Variants in PLCH2 observed in about 807,000 individuals in gnomAD.
The protein encoded by PLCH2 is phospholipase C eta 2.
Under a neutral mutation model 134.7 loss-of-function variants are expected in PLCH2, and 98 were observed. That is an observed-to-expected ratio of 0.73 (90% CI 0.62 to 0.86). PLCH2 has a LOEUF of 0.86. PLCH2 is among the 40% of genes least tolerant of loss of function. The pLI, the probability that PLCH2 is intolerant of heterozygous loss-of-function variation, is 0.00. For missense variants in PLCH2, 1,994 were observed against 1,986.6 expected, an observed-to-expected ratio of 1.00 and a Z score of -0.07; for synonymous variants, 974 against 827.5, an observed-to-expected ratio of 1.18 and a Z score of -3.04.
intron 5 of PLCH2, among the ~76,000 whole-genome samples, chr1:2,485,224 G>GCTCTCTGGACA (rs1642225874): frequency 1.2e-4 from 1 of 8,436 alleles, no homozygotes; most frequent in South Asian, 2.8e-3. Context: ...AAGGCCAAGT[G>GCTCTCTGGACA]CTGCCCCACT....
chr1:2,503,209 T>C (rs1643336658), intron 21 of PLCH2: 3 of 576,896 alleles, frequency 5.2e-6, no homozygotes, highest in Admixed American at 5.7e-5. Context: ...TGGCCTGACA[T>C]GCTGGGCCCC....
At chr1:2,445,233 T>C (rs1483391320) in intron 2 of PLCH2, among the ~76,000 whole-genome samples, 1 of 151,368 alleles carries the variant, frequency 6.6e-6, no homozygotes, top group East Asian at 2.0e-4. Flanking sequence ...GTGCTGAGGG[T>C]CCCCACAGGC....
chr1:2,482,227 G>A (rs1231000399), intron 4 of PLCH2, among the ~76,000 whole-genome samples: 1 of 152,226 alleles, frequency 6.6e-6, no homozygotes, highest in African/African-American at 2.4e-5. Context: ...TCAGTGGTGA[G>A]TGGCTCACCC....
At chr1:2,438,906 T>C (rs1007509770) in intron 2 of PLCH2, among the ~76,000 whole-genome samples, 3 of 152,078 alleles carry the variant, frequency 2.0e-5, no homozygotes, top group African/African-American at 7.2e-5. Flanking sequence ...CACGGCAGCA[T>C]TGAGTGTTTT....
rs1639840633 is a variant in PLCH2 at position 2,444,358 on chromosome 1, T to C, written c.115+13729T>C. Among the ~76,000 whole-genome samples, 1 of 152,066 alleles carries C rather than the reference T, an allele frequency of 6.6e-6. No homozygotes were observed. Among genetic ancestry groups the C allele is most frequent in the Non-Finnish European group, 1.5e-5 (1 of 67,992 alleles). ...GGGCACCCTGTGTGGGTCCGGGAGGTGCTGCGTGGACTTGCCGCATGGCAC... is the reference window on the plus strand; with the variant it reads ...GGGCACCCTGTGTGGGTCCGGGAGGCGCTGCGTGGACTTGCCGCATGGCAC... On this transcript the variant is annotated intron_variant, in intron 2 of 3. Transcript: ENST00000609981. This position sits in a 1 kb window ranked among gnomAD's most constrained non-coding sequence, Gnocchi z 4.6.
chr1:2,427,114 C>A (rs917158085), intron 1 of PLCH2, among the ~76,000 whole-genome samples: 1 of 152,246 alleles, frequency 6.6e-6, no homozygotes, highest in Non-Finnish European at 1.5e-5. Flanking sequence ...CACGTTCAGC[C>A]TGGAGACGGA....
chr1:2,491,571 CAT>C (rs1642584633), intron 11 of PLCH2, among the ~76,000 whole-genome samples: 1 of 152,238 alleles, frequency 6.6e-6, no homozygotes, highest in Non-Finnish European at 1.5e-5. Flanking sequence ...GCTGGGGGGA[CAT>C]GATTGCCTTC....
Position 2,503,912 on chromosome 1 carries a change from C to A in PLCH2, c.2960-10C>A. ...CTCTGGCTCTCTCTCACTCCCCCAC[C>A]TCCCCACAGACACCCGCCCCCTCTC... On this transcript the variant is annotated splice_polypyrimidine_tract_variant and intron_variant, in intron 21 of 21. Coordinates refer to ENST00000378486, the MANE Select transcript of PLCH2 (RefSeq NM_014638.4). 2 of 748,442 alleles carry A rather than the reference C, an allele frequency of 2.7e-6. No homozygotes were observed. Among genetic ancestry groups the A allele is most frequent in the Non-Finnish European group, 4.5e-6 (2 of 442,040 alleles). The allele number at this position is 748,442 out of a possible 1,614,324, so 46.4% of individuals were successfully genotyped here.
At chr1:2,503,667 C>T (rs985376289) in intron 21 of PLCH2, 2 of 682,958 alleles carry the variant, frequency 2.9e-6, no homozygotes, top group African/African-American at 3.5e-5. Context: ...GCCCCGGTGT[C>T]CCGTGCTGTC....
At position 2,498,162 on chromosome 1, in the gene PLCH2, C is replaced by A; in HGVS notation, c.2225-361C>A. The A allele has an allele frequency of 3.3e-6, 1 of 298,738 alleles. No homozygotes were observed. The highest frequency in any genetic ancestry group is 6.3e-6 in the Non-Finnish European group (1 of 158,892). 18.5% of individuals were successfully genotyped at this position (298,738 alleles called of 1,614,324 possible). A position where few individuals can be genotyped will look rare whatever the true frequency, so the allele number is the denominator to read the frequency against. ...TGGACCAGCTACTTCCACCTCTGCC[C>A]TTGGCTTGCCCTCCTCAGAGTTCTC... On this transcript the variant is annotated intron_variant, in intron 16 of 21. Transcript: ENST00000378486. This position sits in a 1 kb window ranked among gnomAD's most constrained non-coding sequence, Gnocchi z 5.4.
At chr1:2,436,443 T>C (rs1291591455) in intron 2 of PLCH2, among the ~76,000 whole-genome samples, 2 of 29,918 alleles carry the variant, frequency 6.7e-5, no homozygotes, top group African/African-American at 2.7e-4. Flanking sequence ...CCTCCTCCCT[T>C]CCTCCCTTCC....
chr1:2,502,344 C>T lies in PLCH2; in HGVS notation c.2894C>T (p.Pro965Leu). ...GSKGVADDVV[P>L]PGPGPAPEAP... Reference sequence around the variant, plus strand: ...AAGGGGGTGGCAGACGATGTGGTGCCCCCCGGGCCCGGACCTGCTCCGGAA... The same window carrying T: ...AAGGGGGTGGCAGACGATGTGGTGCTCCCCGGGCCCGGACCTGCTCCGGAA... The change falls in exon 21 of 22, where the codon CCC becomes CTC. Residue 965 changes from proline to leucine, a missense_variant. Around this residue, in one of 2 missense-constraint regions of PLCH2, gnomAD observed 900 missense variants for 752.3 expected, o/e 1.20. Transcript: ENST00000378486. The T allele has an allele frequency of 1.3e-6, 2 of 1,536,638 alleles. No individual in the cohort carries two copies. Among genetic ancestry groups the T allele is most frequent in the Non-Finnish European group, 1.8e-6 (2 of 1,142,632 alleles).
upstream of PLCH2, among the ~76,000 whole-genome samples, chr1:2,423,058 A>G (rs1638598334): frequency 6.6e-6 from 1 of 152,246 alleles, no homozygotes; most frequent in Admixed American, 6.5e-5. Context: ...CACAGTGATG[A>G]ATACAAGTTT....
In PLCH2 at chr1:2,497,034, G is replaced by T. The variant is rs755044606; in HGVS notation, c.2116+24G>T. The T allele has an allele frequency of 3.7e-6, 6 of 1,604,500 alleles. No individual in the cohort carries two copies. The African/African-American group carries it at 5.4e-5, about 14-fold the overall frequency. ...GGGTGGGTGCGGGCATGGTGCGCTG[G>T]GTGTGGTGGGGAGGGCTCGGCTCAG... is the stretch of plus-strand genomic sequence containing the variant. On this transcript the variant is annotated intron_variant, in intron 15 of 21. Transcript: ENST00000378486.
Position 2,439,334 on chromosome 1 carries a change from C to T in PLCH2, c.115+8705C>T, listed in dbSNP as rs1273737954. On this transcript the variant is annotated intron_variant, in intron 2 of 3. Transcript: ENST00000609981. The surrounding 1 kb of genome is among the most constrained non-coding windows in gnomAD (Gnocchi z 4.7). ...TCTCAGAGCAGGAGGCTCAGCCCTG[C>T]CCACCCACCCCAGTGCTGGCCAGAC... 6.7e-6 allele frequency among the ~76,000 whole-genome samples: 1 copy of T among 150,104 alleles called. No homozygotes were observed. The highest frequency in any genetic ancestry group is 6.6e-5 in the Admixed American group (1 of 15,168).
At position 2,498,082 on chromosome 1, in the gene PLCH2, G is replaced by T. The variant is rs41315674; in HGVS notation, c.2225-441G>T. ...TGGCAGGAGTATCACCATGGGAGAG[G>T]GCAGGACAGGGGCTGGGCGAGCAGG... On this transcript the variant is annotated intron_variant, in intron 16 of 21. Transcript: ENST00000378486. This position sits in a 1 kb window ranked among gnomAD's most constrained non-coding sequence, Gnocchi z 5.4. 2.1e-5 allele frequency: 5 copies of T among 240,716 alleles called. No individual in the cohort carries two copies. Among genetic ancestry groups the T allele is most frequent in the Non-Finnish European group, 3.2e-5 (4 of 123,328 alleles). The allele number at this position is 240,716 out of a possible 1,614,324, so 14.9% of individuals were successfully genotyped here. A position where few individuals can be genotyped will look rare whatever the true frequency, so the allele number is the denominator to read the frequency against.
chr1:2,452,775 G>C (rs1030206778), intron 2 of PLCH2, among the ~76,000 whole-genome samples: 3 of 152,212 alleles, frequency 2.0e-5, no homozygotes, highest in African/African-American at 7.2e-5. Context: ...GGAGGGCCTG[G>C]AGCTTGGCCA....
At chr1:2,421,348 G>T (rs893522504), upstream of PLCH2, among the ~76,000 whole-genome samples, 2 of 152,100 alleles carry the variant, frequency 1.3e-5, no homozygotes, top group African/African-American at 4.8e-5. Flanking sequence ...CAGAACCTAC[G>T]GTAGCATCTC....
In PLCH2 at chr1:2,436,541, C is replaced by T. The variant is rs932010473; in HGVS notation, c.115+5912C>T. ...TCCCTCCTCCTTTCCTCCTTCCTCC[C>T]TCCTCCCTTCCTCCCTCCACCTTTC... is the stretch of plus-strand genomic sequence containing the variant. On this transcript the variant is annotated intron_variant, in intron 2 of 3. Transcript: ENST00000609981. Among the ~76,000 whole-genome samples the T allele has an allele frequency of 6.4e-3, 174 of 27,244 alleles. 5 individuals carry two copies. The highest frequency in any genetic ancestry group is 0.055 in the East Asian group (11 of 200). The allele number at this position is 27,244 out of a possible 152,430, so 17.9% of individuals were successfully genotyped here. A position where few individuals can be genotyped will look rare whatever the true frequency, so the allele number is the denominator to read the frequency against.
Sources: gnomAD v4.1 joint callset for allele counts (sites outside exome capture counted in the v4.1 genomes callset) on GRCh38, gnomAD v4.1.1 for gene constraint, gnomAD v4.1.1 regional missense constraint, Gnocchi (gnomAD v3.1) non-coding constraint, MANE v1.5 for transcripts, NCBI Gene and HGNC (gene_info 2026-07-23, HGNC 2026-07-21) for gene names.